The following BMPR1B variants were observed in gnomAD, a reference collection of about 807,000 sequenced individuals.
The protein encoded by BMPR1B is bone morphogenetic protein receptor type 1B.
Under a neutral mutation model 59.1 loss-of-function variants are expected in BMPR1B, and 12 were observed. The observed-to-expected ratio is 0.20, with a 90% CI of 0.13 to 0.33. BMPR1B has a LOEUF of 0.33. BMPR1B is among the 10% of genes least tolerant of loss of function. The pLI is 1.00. For synonymous variants in BMPR1B, 237 were observed against 207.3 expected (o/e 1.14, Z -1.23); for missense variants, 550 against 610.9 (o/e 0.90, Z 1.05).
At chr4:95,104,295 C>T in intron 3 of BMPR1B, 113 bp from the exon 4 acceptor site, 1 of 1,243,074 alleles carries the variant, frequency 8.0e-7, no homozygotes, top group Non-Finnish European at 1.1e-6. Context: ...CTGTTTAAAT[C>T]TTTAAGTATC....
intron 2 of BMPR1B, among the ~76,000 whole-genome samples, chr4:94,889,374 C>T (rs1198948646): frequency 6.6e-6 from 1 of 152,010 alleles, no homozygotes; most frequent in African/African-American, 2.4e-5. Flanking sequence ...CCTGCGTCAA[C>T]TCTGTAGTAT....
chr4:94,937,515 G>A (rs1228546089), intron 2 of BMPR1B, among the ~76,000 whole-genome samples: 2 of 152,062 alleles, frequency 1.3e-5, no homozygotes, highest in African/African-American at 4.8e-5. Flanking sequence ...ACTGACTCCT[G>A]CTCTACGTGT....
intron 2 of BMPR1B, among the ~76,000 whole-genome samples, chr4:94,937,081 G>A (rs1439310375): frequency 6.6e-6 from 1 of 152,058 alleles, no homozygotes; most frequent in Non-Finnish European, 1.5e-5. Flanking sequence ...CTTGTTACTT[G>A]TCACCACCCT....
chr4:94,881,699 C>T (rs559507222), intron 2 of BMPR1B, among the ~76,000 whole-genome samples: 21 of 152,126 alleles, frequency 1.4e-4, no homozygotes, highest in African/African-American at 3.6e-4. Context: ...CTCCTGACCT[C>T]GGTGATTCTC....
At chr4:94,804,574 A>C (rs1207438000) in intron 1 of BMPR1B, among the ~76,000 whole-genome samples, 3 of 149,816 alleles carry the variant, frequency 2.0e-5, no homozygotes, top group Non-Finnish European at 4.4e-5. Flanking sequence ...CTTTTCATAT[A>C]ACTTTCTTTG....
intron 6 of BMPR1B, among the ~76,000 whole-genome samples, chr4:95,122,900 A>G (rs772476668): frequency 7.9e-5 from 12 of 152,252 alleles, no homozygotes; most frequent in African/African-American, 2.6e-4. Context: ...CACTCTCTCA[A>G]AGGTAAATGG....
At chr4:95,127,256 A>G (rs1446199620) in intron 8 of BMPR1B, among the ~76,000 whole-genome samples, 1 of 152,226 alleles carries the variant, frequency 6.6e-6, no homozygotes, top group Admixed American at 6.5e-5. Flanking sequence ...AATGTAATAT[A>G]GAATTAAAGT....
intron 8 of BMPR1B, among the ~76,000 whole-genome samples, chr4:95,129,219 A>G (rs979748254): frequency 3.3e-5 from 5 of 152,142 alleles, no homozygotes; most frequent in African/African-American, 1.2e-4. Flanking sequence ...ATTTAGTACC[A>G]TTTGATGCTC....
chr4:94,877,370 A>G (rs1232025959), intron 2 of BMPR1B, among the ~76,000 whole-genome samples: 1 of 152,206 alleles, frequency 6.6e-6, no homozygotes, highest in African/African-American at 2.4e-5. Context: ...GGGATCAGAA[A>G]TTAACCCCAG....
At chr4:94,833,706 A>C (rs1560506082) in intron 1 of BMPR1B, among the ~76,000 whole-genome samples, 1 of 152,204 alleles carries the variant, frequency 6.6e-6, no homozygotes, top group Non-Finnish European at 1.5e-5. Flanking sequence ...TGATAATACA[A>C]CTGGGTTATT....
At chr4:94,815,936 C>T (rs1359112702) in intron 1 of BMPR1B, among the ~76,000 whole-genome samples, 2 of 152,086 alleles carry the variant, frequency 1.3e-5, no homozygotes, top group Admixed American at 1.3e-4. Flanking sequence ...ATTGTCATTT[C>T]AGAGATCTTA....
At chr4:95,121,732 T>C (rs1410294566) in intron 6 of BMPR1B, among the ~76,000 whole-genome samples, 1 of 151,604 alleles carries the variant, frequency 6.6e-6, no homozygotes, top group Non-Finnish European at 1.5e-5. Flanking sequence ...AAGGGTGAAA[T>C]TATTTCAAAA....
chr4:94,835,607 T>C (rs1724776274), intron 1 of BMPR1B, among the ~76,000 whole-genome samples: 1 of 152,144 alleles, frequency 6.6e-6, no homozygotes, highest in Non-Finnish European at 1.5e-5. Context: ...AAAGATACAA[T>C]AATATATTTT....
chr4:94,883,641 T>C (rs1237712089), intron 2 of BMPR1B, among the ~76,000 whole-genome samples: 1 of 151,924 alleles, frequency 6.6e-6, no homozygotes, highest in Non-Finnish European at 1.5e-5. Flanking sequence ...TATTAAGGAA[T>C]ATATTCTGTA....
At chr4:95,020,404 C>A (rs1048744615) in intron 3 of BMPR1B, among the ~76,000 whole-genome samples, 1 of 152,096 alleles carries the variant, frequency 6.6e-6, no homozygotes, top group African/African-American at 2.4e-5. Context: ...ATGGTGAAAG[C>A]CGGTCTCTAC....
intron 2 of BMPR1B, among the ~76,000 whole-genome samples, chr4:94,932,676 A>G (rs1035281431): frequency 3.3e-5 from 5 of 152,168 alleles, no homozygotes; most frequent in South Asian, 4.1e-4. Context: ...TTCCAGAGCC[A>G]TAAAAAAATT....
At chr4:94,819,009 A>G (rs1291838581) in intron 1 of BMPR1B, among the ~76,000 whole-genome samples, 1 of 151,976 alleles carries the variant, frequency 6.6e-6, no homozygotes, top group Admixed American at 6.6e-5. Flanking sequence ...GGTGGCATGC[A>G]CCTGTAGTCC....
At chr4:94,770,203 T>TTTTTTTTTTTTTTTTTTTTTTTTTTTG (rs1722133501) in intron 1 of BMPR1B, among the ~76,000 whole-genome samples, 2 of 146,910 alleles carry the variant, frequency 1.4e-5, no homozygotes, top group Non-Finnish European at 1.5e-5. Flanking sequence ...TTTTTTTTTT[T>TTTTTTTTTTTTTTTTTTTTTTTTTTTG]TGCGAAAGCA....
At chr4:95,059,940 C>G (rs1489512391) in intron 3 of BMPR1B, among the ~76,000 whole-genome samples, 1 of 152,150 alleles carries the variant, frequency 6.6e-6, no homozygotes, top group East Asian at 1.9e-4. Flanking sequence ...TTTGGCCTGT[C>G]TGGTGGGACT....
Sources: gnomAD v4.1 joint callset for allele counts (sites outside exome capture counted in the v4.1 genomes callset) on GRCh38, gnomAD v4.1.1 for gene constraint, MANE v1.5 for transcripts, NCBI Gene and HGNC (gene_info 2026-07-23, HGNC 2026-07-21) for gene names.